The following ESPL1 variants were observed in gnomAD, a reference collection of about 807,000 sequenced individuals.
The protein encoded by ESPL1 is extra spindle pole bodies like 1, separase.
A neutral mutation model predicts 217.2 loss-of-function variants in ESPL1; 50 were observed. The ratio of observed to expected loss-of-function variants is 0.23; its 90% CI spans 0.18 to 0.29. ESPL1 has a LOEUF of 0.29. Ranked by LOEUF, ESPL1 falls within the 10% of genes least tolerant of loss-of-function variation. The pLI, the probability that ESPL1 is intolerant of heterozygous loss-of-function variation, is 1.00. For synonymous variants in ESPL1, 994 were observed against 1,081.3 expected, an observed-to-expected ratio of 0.92 and a Z score of 1.58; for missense variants, 1,834 against 2,603.0, an observed-to-expected ratio of 0.70 and a Z score of 6.43.
In ESPL1 at chr12:53,290,496, C is replaced by T. The variant is rs147290922; in HGVS notation, c.5364+27C>T. 11 of 1,610,258 alleles carry T rather than the reference C, an allele frequency of 6.8e-6. No individual in the cohort carries two copies. In the East Asian group the frequency reaches 2.2e-4, roughly 33 times the overall value. ...TGTGTGCTTCTGGGGTGGGGTCAGG[C>T]CTGCTCTAGGAATGACCCGGGGGGT... On this transcript the variant is annotated intron_variant, in intron 24 of 30. Transcript: ENST00000257934.
At position 53,282,815 on chromosome 12, in the gene ESPL1, G is replaced by A. The variant is rs1306343434; in HGVS notation, c.2792-314G>A. ...ATTACTGGCATGCGCCACTACGCCC[G>A]ACTAATTTTTGTATTATTAGTAGAG... On this transcript the variant is annotated intron_variant, in intron 14 of 30. Coordinates refer to ENST00000257934, the MANE Select transcript of ESPL1 (RefSeq NM_012291.5). The surrounding 1 kb of genome is among the most constrained non-coding windows in gnomAD (Gnocchi z 4.0). 1.3e-5 allele frequency among the ~76,000 whole-genome samples: 2 copies of A among 152,160 alleles called. No individual in the cohort carries two copies. Among genetic ancestry groups the A allele is most frequent in the African/African-American group, 4.8e-5 (2 of 41,434 alleles).
At chr12:53,280,095 C>G (rs781435606) in intron 12 of ESPL1, among the ~76,000 whole-genome samples, 2 of 152,182 alleles carry the variant, frequency 1.3e-5, no homozygotes, top group Admixed American at 6.6e-5. Flanking sequence ...GCTGCAGGAA[C>G]CTACCGCCAG....
intron 7 of ESPL1, among the ~76,000 whole-genome samples, chr12:53,275,745 T>TA (rs1315928210): frequency 1.3e-5 from 2 of 148,368 alleles, no homozygotes; most frequent in Non-Finnish European, 3.0e-5. Flanking sequence ...TTTTTTTTTT[T>TA]AATAGAGACA....
chr12:53,280,167 TCA>T lies in ESPL1; in HGVS notation c.2499+304_2499+305del, dbSNP rs376986799. 1.1e-4 allele frequency among the ~76,000 whole-genome samples: 17 copies of T among 152,338 alleles called. No individual in the cohort carries two copies. The East Asian group carries it at 2.9e-3, about 26-fold the overall frequency. On this transcript the variant is annotated intron_variant, in intron 12 of 30. Transcript: ENST00000257934. ...ATGCTTCATTGCTCATGTAAAGCTA[TCA>T]CAGTGTCTCCTGGTTGGTCTCCTTG...
chr12:53,285,880 C>T (rs768971705), intron 17 of ESPL1, 44 bp from the exon 18 acceptor site: 8 of 1,498,344 alleles, frequency 5.3e-6, no homozygotes, highest in South Asian at 4.1e-5. Flanking sequence ...GTGCTTGATG[C>T]CATTTCTCCC....
intron 24 of ESPL1, 119 bp downstream of exon 24, chr12:53,290,588 G>T: frequency 1.0e-6 from 1 of 963,646 alleles, no homozygotes; most frequent in Non-Finnish European, 1.5e-6. Context: ...TTCTGGAAGT[G>T]TAGACCTAAA....
Position 53,292,057 on chromosome 12 carries a change from G to C in ESPL1, c.5765G>C (p.Arg1922Pro), listed in dbSNP as rs768136628. ...CCTGTCACCCGGCTGCCCTCCTTCC[G>C]CTTCCTACTCAGCTACTCCATCATC... Reference protein sequence around the residue: ...ALPVTRLPSFRFLLSYSIIKE... With the variant: ...ALPVTRLPSFPFLLSYSIIKE... Residue 1922 changes from arginine to proline, a missense_variant, in exon 27 of 31, where the codon CGC becomes CCC. This residue lies in a region of ESPL1 where 295 missense variants were observed against 519.8 expected (regional missense o/e 0.57). Transcript: ENST00000257934. The surrounding 1 kb of genome is among the most constrained non-coding windows in gnomAD (Gnocchi z 4.5). 2 of 1,613,952 alleles carry C rather than the reference G, an allele frequency of 1.2e-6. No individual in the cohort carries two copies. The highest frequency in any genetic ancestry group is 1.1e-5 in the South Asian group (1 of 91,076).
Position 53,288,255 on chromosome 12 carries a change from C to A in ESPL1, c.4460C>A (p.Thr1487Asn). 1 of 1,608,500 alleles carries A rather than the reference C, an allele frequency of 6.2e-7. No individual in the cohort carries two copies. Among genetic ancestry groups the A allele is most frequent in the South Asian group, 1.1e-5 (1 of 90,210 alleles). ...AGGCCTGGCCCTGAGATCATGAGGA[C>A]CATCCCTGAGGAAGAACTGACTGAC... ...QARPGPEIMR[T>N]IPEEELTDNW... is the part of the protein sequence containing the mutation. The change falls in exon 19 of 31, where the codon ACC becomes AAC. Residue 1487 changes from threonine to asparagine, a missense_variant. Around this residue, in one of 5 missense-constraint regions of ESPL1, gnomAD observed 681 missense variants for 808.0 expected, o/e 0.84. Transcript: ENST00000257934.
rs767851296 is a variant in ESPL1 at position 53,269,352 on chromosome 12, C to A, written c.410C>A (p.Pro137His). The change falls in exon 3 of 31, where the codon CCC (proline) becomes CAC (histidine). Residue 137 changes from proline to histidine, a missense_variant. Coordinates refer to ENST00000257934, the MANE Select transcript of ESPL1 (RefSeq NM_012291.5). This position sits in a 1 kb window ranked among gnomAD's most constrained non-coding sequence, Gnocchi z 6.7. Reference protein sequence around the residue: ...CLVQCSREAAPQDYEAVARGS... With the variant: ...CLVQCSREAAHQDYEAVARGS... ...GTGCAGTGCTCTCGCGAGGCTGCTCCCCAGGACTATGAGGCCGTGGCTCGG... is the reference window on the plus strand; with the variant it reads ...GTGCAGTGCTCTCGCGAGGCTGCTCACCAGGACTATGAGGCCGTGGCTCGG... 6.2e-7 allele frequency: 1 copy of A among 1,614,084 alleles called. No individual in the cohort carries two copies. The highest frequency in any genetic ancestry group is 1.1e-5 in the South Asian group (1 of 91,084).
rs1156451297 is a variant in ESPL1, at chr12:53,288,654, G to C, written c.4663G>C (p.Asp1555His). 1.9e-6 allele frequency: 3 copies of C among 1,613,906 alleles called. No individual in the cohort carries two copies. The highest frequency in any genetic ancestry group is 2.5e-6 in the Non-Finnish European group (3 of 1,180,004). ...ATGCCCAGACAAGGAGAGTGACAAG[G>C]ACCTTGGTCCTCGGCTCCGGCTCCC... ...SPCPDKESDKDLGPRLRLPSA... is the reference protein window; with the variant it reads ...SPCPDKESDKHLGPRLRLPSA... Residue 1555 changes from aspartate to histidine, a missense_variant, in exon 20 of 31, where the codon GAC becomes CAC. Physicochemically the swap from Asp to His is moderately conservative, Grantham distance 81 (BLOSUM62 -1). Transcript: ENST00000257934.
chr12:53,284,289 C>A, intron 17 of ESPL1, 122 bp downstream of exon 17: 1 of 678,172 alleles, frequency 1.5e-6, no homozygotes, highest in Non-Finnish European at 2.6e-6. Flanking sequence ...ACTTTATTAC[C>A]CAGGCTGGAG....
chr12:53,270,176 C>T (rs1241706986), intron 3 of ESPL1, 91 bp downstream of exon 3: 13 of 1,196,522 alleles, frequency 1.1e-5, no homozygotes, highest in South Asian at 2.9e-5. Flanking sequence ...GGTCCTGGCT[C>T]CCTCCTTGTT....
intron 23 of ESPL1, 28 bp downstream of exon 23, chr12:53,290,240 T>C (rs1344237344): frequency 6.2e-7 from 1 of 1,612,720 alleles, no homozygotes; most frequent in Non-Finnish European, 8.5e-7. Flanking sequence ...TGGAGCAAAG[T>C]TGGGCTGGAT....
chr12:53,287,792 A>G, intron 18 of ESPL1, 180 bp from the exon 19 acceptor site: 1 of 551,576 alleles, frequency 1.8e-6, no homozygotes, highest in Non-Finnish European at 3.1e-6. Context: ...CCCTCCTTCC[A>G]CACCCAAGAG....
intron 17 of ESPL1, among the ~76,000 whole-genome samples, chr12:53,285,720 A>C: frequency 6.8e-6 from 1 of 146,996 alleles, no homozygotes; most frequent in Non-Finnish European, 1.6e-5. Flanking sequence ...AAAAAAAAAG[A>C]AAAAAAGAAA....
At chr12:53,281,019 G>T (rs952208334) in intron 12 of ESPL1, among the ~76,000 whole-genome samples, 1 of 151,098 alleles carries the variant, frequency 6.6e-6, no homozygotes, top group South Asian at 2.1e-4. Flanking sequence ...TTAACCAAGT[G>T]TTAAATGGAC....
chr12:53,271,979 C>G (rs1943682907), intron 5 of ESPL1, among the ~76,000 whole-genome samples: 1 of 150,742 alleles, frequency 6.6e-6, no homozygotes, highest in African/African-American at 2.4e-5. Context: ...CCCAGCTACT[C>G]AGGAGGCTGA....
chr12:53,273,718 T>C (rs1943714899), intron 6 of ESPL1, among the ~76,000 whole-genome samples: 2 of 150,270 alleles, frequency 1.3e-5, no homozygotes, highest in South Asian at 4.3e-4. Flanking sequence ...GAGATTGTGC[T>C]ACTGTACTCC....
In ESPL1 at chr12:53,288,325, G is replaced by A. The variant is rs748040773; in HGVS notation, c.4530G>A (p.Gly1510=). 8.1e-6 allele frequency: 13 copies of A among 1,599,864 alleles called. No homozygotes were observed. Among genetic ancestry groups the A allele is most frequent in the African/African-American group, 1.3e-5 (1 of 74,848 alleles). The stretch of plus-strand genomic sequence containing the variant: ...TTGAGATCCTCAGGGGCTCTGACGG[G>A]GAAGACTCAGCCTCAGGTAGGACAG... ...MSFEILRGSD[G]EDSASGGKTP... Residue 1510 remains glycine (G), a synonymous_variant, in exon 19 of 31, where the codon GGG becomes GGA. Transcript: ENST00000257934.
Sources: gnomAD v4.1 joint callset for allele counts (sites outside exome capture counted in the v4.1 genomes callset) on GRCh38, gnomAD v4.1.1 for gene constraint, gnomAD v4.1.1 regional missense constraint, Gnocchi (gnomAD v3.1) non-coding constraint, MANE v1.5 for transcripts, NCBI Gene and HGNC (gene_info 2026-07-23, HGNC 2026-07-21) for gene names.